IGDCC3: variants seen among roughly 807,000 people sequenced by gnomAD.
The protein encoded by IGDCC3 is putative neuronal cell adhesion molecule.
Under a neutral mutation model 72.0 loss-of-function variants are expected in IGDCC3, and 47 were observed. That is an observed-to-expected ratio of 0.65 (90% CI 0.52 to 0.83). The LOEUF (loss-of-function observed/expected upper bound fraction) is 0.83, where lower values mean the gene tolerates loss of function less well. IGDCC3 is among the 40% of genes least tolerant of loss of function. IGDCC3 has a pLI of 0.00. For synonymous variants in IGDCC3, 477 were observed against 472.8 expected (o/e 1.01, Z -0.11); for missense variants, 1,038 against 1,091.3 (o/e 0.95, Z 0.69).
At chr15:65,376,103 T>C (rs1030897550) in intron 1 of IGDCC3, among the ~76,000 whole-genome samples, 4 of 152,090 alleles carry the variant, frequency 2.6e-5, no homozygotes, top group African/African-American at 9.7e-5. Context: ...CCATTGCCCC[T>C]CTCCTCTGGC....
chr15:65,346,446 G>A (rs1314432986), intron 2 of IGDCC3, among the ~76,000 whole-genome samples: 1 of 148,934 alleles, frequency 6.7e-6, no homozygotes, highest in African/African-American at 2.5e-5. Context: ...GTAAAAGGGT[G>A]GCCACGAGAC....
Position 65,375,166 on chromosome 15 carries a change from C to T in IGDCC3, c.340G>A (p.Asp114Asn). 6.2e-7 allele frequency: 1 copy of T among 1,614,212 alleles called. No individual in the cohort carries two copies. The highest frequency in any genetic ancestry group is 2.2e-5 in the East Asian group (1 of 44,884). Residue 114 changes from aspartate (D) to asparagine (N), a missense_variant, in exon 2 of 14, where the codon GAC becomes AAC. Transcript: ENST00000327987. ...EPGGSPSDEGDYECVAQNRFG... is the reference protein window; with the variant it reads ...EPGGSPSDEGNYECVAQNRFG... Reference sequence around the variant, plus strand: ...CGGTTCTGGGCCACACACTCATAGTCACCTTCATCCGAAGGGCTGCCTCCC... The same window carrying T: ...CGGTTCTGGGCCACACACTCATAGTTACCTTCATCCGAAGGGCTGCCTCCC...
intron 2 of IGDCC3, chr15:65,373,972 C>A (rs2091342777): frequency 6.6e-6 from 1 of 151,930 alleles, no homozygotes; most frequent in African/African-American, 2.4e-5. Flanking sequence ...CCATCTTTAC[C>A]AAAAAATTCA....
chr15:65,335,568 GA>G (rs2091020969), intron 3 of IGDCC3, 147 bp from the exon 4 acceptor site: 1 of 943,262 alleles, frequency 1.1e-6, no homozygotes, highest in Non-Finnish European at 1.6e-6. Flanking sequence ...TTCAAAGGTG[GA>G]CACACCCTCA....
At chr15:65,360,176 A>G (rs1475325408) in intron 2 of IGDCC3, among the ~76,000 whole-genome samples, 1 of 152,228 alleles carries the variant, frequency 6.6e-6, no homozygotes, top group Admixed American at 6.5e-5. Context: ...ATACAGCCCA[A>G]TGGATCCTTT....
At chr15:65,372,306 A>G (rs1288372761) in intron 2 of IGDCC3, among the ~76,000 whole-genome samples, 1 of 152,164 alleles carries the variant, frequency 6.6e-6, no homozygotes, top group Non-Finnish European at 1.5e-5. Context: ...CTCGTCCTTA[A>G]CAAGTCTCAA....
chr15:65,374,851 C>T (rs1036242383), intron 2 of IGDCC3, among the ~76,000 whole-genome samples: 3 of 152,210 alleles, frequency 2.0e-5, no homozygotes, highest in Non-Finnish European at 2.9e-5. Flanking sequence ...AAAGCTTTCT[C>T]CCCGACTCCC....
intron 5 of IGDCC3, among the ~76,000 whole-genome samples, chr15:65,333,992 C>G (rs1221261400): frequency 2.0e-5 from 3 of 151,760 alleles, no homozygotes; most frequent in South Asian, 2.1e-4. Context: ...GCCCTTCCCC[C>G]ACCCCCACCA....
intron 2 of IGDCC3, among the ~76,000 whole-genome samples, chr15:65,345,519 A>T (rs1271186809): frequency 6.6e-6 from 1 of 151,840 alleles, no homozygotes; most frequent in African/African-American, 2.4e-5. Flanking sequence ...GTGCCACTAC[A>T]CTCTAGCCCA....
chr15:65,334,502 C>T (rs533113454), intron 5 of IGDCC3: 27 of 510,720 alleles, frequency 5.3e-5, no homozygotes, highest in African/African-American at 3.8e-4. Flanking sequence ...ACCCAAGGAG[C>T]TAAGCCATCC....
chr15:65,342,694 T>TC (rs1190740215), intron 2 of IGDCC3, among the ~76,000 whole-genome samples: 4 of 151,734 alleles, frequency 2.6e-5, no homozygotes, highest in Non-Finnish European at 5.9e-5. Context: ...TTGCCTGCAC[T>TC]CCCCCCTCTT....
chr15:65,346,500 AG>A (rs1595756788), intron 2 of IGDCC3, among the ~76,000 whole-genome samples: 1 of 151,666 alleles, frequency 6.6e-6, no homozygotes, highest in Non-Finnish European at 1.5e-5. Context: ...TCTGTCGCTC[AG>A]GCTGGAGTGC....
chr15:65,352,947 C>G (rs752102723), intron 2 of IGDCC3, among the ~76,000 whole-genome samples: 10 of 152,142 alleles, frequency 6.6e-5, no homozygotes, highest in African/African-American at 2.2e-4. Flanking sequence ...TGTGAACCAA[C>G]CAGTAATCTC....
rs763548648 is a variant in IGDCC3, at chr15:65,330,391, G to A, written c.1760C>T (p.Thr587Ile). 1 of 1,612,966 alleles carries A rather than the reference G, an allele frequency of 6.2e-7. No homozygotes were observed. Among genetic ancestry groups the A allele is most frequent in the Non-Finnish European group, 8.5e-7 (1 of 1,179,156 alleles). ...GAGCAGCTTCACCTCATACACTGCA[G>A]TGGGGTCTGGAGGAAGGCAGGGCGG... ...SSYNLSQLDP[T>I]AVYEVKLLAY... Residue 587 changes from threonine (T) to isoleucine (I), a missense_variant, in exon 11 of 14, where the codon ACT (threonine) becomes ATT (isoleucine). Transcript: ENST00000327987.
At position 65,329,588 on chromosome 15, in the gene IGDCC3, C is replaced by T. The variant is rs1231185844; in HGVS notation, c.2007G>A (p.Leu669=). The T allele has an allele frequency of 3.1e-6, 5 of 1,613,196 alleles. No homozygotes were observed. The East Asian group carries it at 6.7e-5, about 22-fold the overall frequency. Residue 669 remains leucine (L), a synonymous_variant, in exon 13 of 14, where the codon CTG becomes CTA. Coordinates refer to ENST00000327987, the MANE Select transcript of IGDCC3 (RefSeq NM_004884.4). The surrounding 1 kb of genome is among the most constrained non-coding windows in gnomAD (Gnocchi z 4.1). ...ACAGCTGGTTTTCCACATCTTTACA[C>T]AGGAGGACCCTAAGGGTTAGCCAAG... ...LLFGQRGRVL[L]CKDVENQLSP...
chr15:65,365,497 G>GGTCAGT (rs754316951), intron 2 of IGDCC3, among the ~76,000 whole-genome samples: 8 of 152,070 alleles, frequency 5.3e-5, no homozygotes, highest in African/African-American at 1.7e-4. Flanking sequence ...CACCCACTGT[G>GGTCAGT]GTCAGTGTCA....
chr15:65,350,033 TAGG>T (rs765221964), intron 2 of IGDCC3, among the ~76,000 whole-genome samples: 7 of 152,180 alleles, frequency 4.6e-5, no homozygotes, highest in Admixed American at 2.6e-4. Flanking sequence ...TCTAAGCACA[TAGG>T]AGGTTACTTT....
chr15:65,347,211 C>G (rs2091131654), intron 2 of IGDCC3, among the ~76,000 whole-genome samples: 1 of 152,156 alleles, frequency 6.6e-6, no homozygotes, highest in African/African-American at 2.4e-5. Context: ...ACAAGGACAA[C>G]TCAACAAAAA....
At chr15:65,366,090 C>A (rs2091286876) in intron 2 of IGDCC3, among the ~76,000 whole-genome samples, 1 of 151,956 alleles carries the variant, frequency 6.6e-6, no homozygotes, top group Admixed American at 6.6e-5. Flanking sequence ...CGCCTGTAGT[C>A]CCAGCTACTC....
Sources: allele counts gnomAD v4.1 joint callset (sites outside exome capture counted in the v4.1 genomes callset), GRCh38; gene constraint gnomAD v4.1.1; non-coding constraint Gnocchi (gnomAD v3.1); transcripts MANE v1.5; gene names NCBI Gene and HGNC (gene_info 2026-07-23, HGNC 2026-07-21).